The following AGBL1 variants were observed in gnomAD, a reference collection of about 807,000 sequenced individuals.
The protein encoded by AGBL1 is AGBL carboxypeptidase 1, also known as cytosolic carboxypeptidase 4.
In AGBL1, 130 loss-of-function variants were observed where a neutral mutation model predicts 118.9. The ratio of observed to expected loss-of-function variants is 1.09; its 90% confidence interval spans 0.95 to 1.26. AGBL1 has a LOEUF of 1.26. Ranked by LOEUF, AGBL1 falls within the 50% of genes most tolerant of loss-of-function variation. The probability of loss-of-function intolerance (pLI) is 0.00; values close to 1 mark genes in which losing one functional copy is unlikely to be tolerated. For synonymous variants in AGBL1, 555 were observed against 478.9 expected (o/e 1.16, Z -2.08); for missense variants, 1,584 against 1,298.1 (o/e 1.22, Z -3.38).
At chr15:86,329,516 A>G (rs2080238162) in intron 17 of AGBL1, among the ~76,000 whole-genome samples, 1 of 151,670 alleles carries the variant, frequency 6.6e-6, no homozygotes, top group Non-Finnish European at 1.5e-5. Context: ...TTCCTGTGCA[A>G]AGATCCTAGT....
intron 1 of AGBL1, among the ~76,000 whole-genome samples, chr15:86,113,708 T>G (rs1358592744): frequency 6.6e-6 from 1 of 152,198 alleles, no homozygotes; most frequent in African/African-American, 2.4e-5. Flanking sequence ...TATAATGCCA[T>G]GCCACACCTA....
At chr15:86,341,749 G>C (rs1024108360) in intron 17 of AGBL1, among the ~76,000 whole-genome samples, 1 of 152,084 alleles carries the variant, frequency 6.6e-6, no homozygotes, top group African/African-American at 2.4e-5. Flanking sequence ...ACTCAGGAGG[G>C]CCCCGAACCT....
chr15:86,922,801 G>A (rs569663966), intron 23 of AGBL1, among the ~76,000 whole-genome samples: 5 of 152,274 alleles, frequency 3.3e-5, no homozygotes, highest in African/African-American at 7.2e-5. Flanking sequence ...GCAATGAAGC[G>A]ATTTCTAGGG....
intron 5 of AGBL1, among the ~76,000 whole-genome samples, chr15:86,172,433 G>A (rs1260074060): frequency 6.6e-6 from 1 of 152,100 alleles, no homozygotes; most frequent in Non-Finnish European, 1.5e-5. Context: ...ACTTCACTAT[G>A]CTATTGAACA....
Position 86,298,625 on chromosome 15 carries a change from T to C in AGBL1, c.2374+3217T>C, listed in dbSNP as rs1038832666. On this transcript the variant is annotated intron_variant, in intron 17 of 22. Coordinates refer to ENST00000614907, the MANE Select transcript of AGBL1 (RefSeq NM_001386094.1). ...AGGCCTCCCTTCAGGTGAGATTAAA[T>C]TGTTTTACCTGCTTCCTGCCTCTCA... is the stretch of plus-strand genomic sequence containing the variant. 3.9e-5 allele frequency among the ~76,000 whole-genome samples: 6 copies of C among 152,050 alleles called. No homozygotes were observed. In the South Asian group the frequency reaches 1.0e-3, roughly 26 times the overall value.
intron 1 of AGBL1, among the ~76,000 whole-genome samples, chr15:86,141,316 G>T (rs779701960): frequency 2.0e-5 from 3 of 152,182 alleles, no homozygotes; most frequent in African/African-American, 7.2e-5. Flanking sequence ...AAGTCTTTTC[G>T]TCAGAACATT....
intron 21 of AGBL1, among the ~76,000 whole-genome samples, chr15:86,558,722 G>C (rs142273952): frequency 6.6e-6 from 1 of 152,152 alleles, no homozygotes; most frequent in Non-Finnish European, 1.5e-5. Flanking sequence ...TCGGAACTCC[G>C]TGTTCAGGGC....
At chr15:86,875,873 C>CCTGGT (rs1212129631) in intron 22 of AGBL1, among the ~76,000 whole-genome samples, 15 of 152,182 alleles carry the variant, frequency 9.9e-5, no homozygotes, top group African/African-American at 3.6e-4. Flanking sequence ...TACCACCTCA[C>CCTGGT]CTCAATGTGA....
At chr15:86,248,191 C>A (rs1394157089) in intron 7 of AGBL1, among the ~76,000 whole-genome samples, 1 of 152,092 alleles carries the variant, frequency 6.6e-6, no homozygotes, top group African/African-American at 2.4e-5. Context: ...GTGTTGCACA[C>A]CTATAGTCCC....
At chr15:86,114,838 G>A (rs1355699377) in intron 1 of AGBL1, among the ~76,000 whole-genome samples, 3 of 152,144 alleles carry the variant, frequency 2.0e-5, no homozygotes, top group Non-Finnish European at 4.4e-5. Context: ...GAGGTCCAAC[G>A]CTACAAGTCT....
chr15:86,870,647 T>C (rs73447114), intron 22 of AGBL1, among the ~76,000 whole-genome samples: 2,302 of 151,796 alleles, frequency 0.015, 67 homozygotes, highest in African/African-American at 0.052. Context: ...CAAATAGATA[T>C]ATGGAAAGCA....
chr15:86,197,867 C>A (rs1261409493), intron 5 of AGBL1, among the ~76,000 whole-genome samples: 1 of 151,498 alleles, frequency 6.6e-6, no homozygotes, highest in Non-Finnish European at 1.5e-5. Flanking sequence ...AACAACAGAG[C>A]TATTTCACTG....
At chr15:86,688,876 C>G (rs2086110618) in intron 22 of AGBL1, among the ~76,000 whole-genome samples, 2 of 152,122 alleles carry the variant, frequency 1.3e-5, no homozygotes, top group South Asian at 4.2e-4. Flanking sequence ...TCACTCTACT[C>G]CAGTATCCCC....
At chr15:86,805,627 T>A (rs978518973) in intron 22 of AGBL1, among the ~76,000 whole-genome samples, 2 of 152,214 alleles carry the variant, frequency 1.3e-5, no homozygotes, top group African/African-American at 4.8e-5. Flanking sequence ...GGACTTAACA[T>A]AGCCCCTTGG....
At chr15:86,573,342 A>T (rs1170387562) in intron 21 of AGBL1, among the ~76,000 whole-genome samples, 1 of 152,228 alleles carries the variant, frequency 6.6e-6, no homozygotes, top group Non-Finnish European at 1.5e-5. Context: ...TACAGTTTAT[A>T]GTCCAGCCAC....
At chr15:86,443,638 T>G (rs1231804684) in intron 18 of AGBL1, among the ~76,000 whole-genome samples, 1 of 152,186 alleles carries the variant, frequency 6.6e-6, no homozygotes, top group Non-Finnish European at 1.5e-5. Context: ...GTAACTGCTA[T>G]TCTACTCTCT....
chr15:86,167,780 T>C (rs980862686), intron 5 of AGBL1, among the ~76,000 whole-genome samples: 1 of 152,208 alleles, frequency 6.6e-6, no homozygotes, highest in African/African-American at 2.4e-5. Flanking sequence ...CATGGAAAGC[T>C]AGCTGCTTTT....
At chr15:86,299,487 A>G (rs1355370630) in intron 17 of AGBL1, among the ~76,000 whole-genome samples, 1 of 152,148 alleles carries the variant, frequency 6.6e-6, no homozygotes, top group East Asian at 1.9e-4. Flanking sequence ...GGTTTTGCAC[A>G]GCAGAACGGG....
intron 24 of AGBL1, among the ~76,000 whole-genome samples, chr15:87,010,446 A>G (rs2081546913): frequency 6.6e-6 from 1 of 152,162 alleles, no homozygotes; most frequent in Non-Finnish European, 1.5e-5. Context: ...GGACTAATAC[A>G]CCACCCAACA....
Sources: allele counts gnomAD v4.1 joint callset (sites outside exome capture counted in the v4.1 genomes callset), GRCh38; gene constraint gnomAD v4.1.1; transcripts MANE v1.5; gene names NCBI Gene and HGNC (gene_info 2026-07-23, HGNC 2026-07-21).